BNC2: variants seen among roughly 807,000 people sequenced by gnomAD.
The protein encoded by BNC2 is zinc finger protein basonuclin-2.
Under a neutral mutation model 76.3 loss-of-function variants are expected in BNC2, and 20 were observed. The ratio of observed to expected loss-of-function variants is 0.26; its 90% confidence interval spans 0.18 to 0.38. BNC2 has a LOEUF of 0.38. BNC2 is among the 10% of genes least tolerant of loss of function. BNC2 has a pLI of 1.00. For missense variants in BNC2, 1,382 were observed against 1,399.8 expected (o/e 0.99, Z 0.20); for synonymous variants, 582 against 514.8 (o/e 1.13, Z -1.77).
rs75993887 is a variant in BNC2, at chr9:16,467,832, TA to T, written c.670-30309del. 5.8e-3 allele frequency among the ~76,000 whole-genome samples: 663 copies of T among 113,700 alleles called. 4 individuals are homozygous for T. Among genetic ancestry groups the T allele is most frequent in the African/African-American group, 0.014 (421 of 29,086 alleles). The allele number at this position is 113,700 out of a possible 152,430, so 74.6% of individuals were successfully genotyped here. On this transcript the variant is annotated intron_variant, in intron 5 of 6. Transcript: ENST00000380672. Reference sequence around the variant, plus strand: ...ATGTACCCTAAAACTTAGAGTATAATAAAAAAAAAAAATTAAAAAAAAAAAA... The same window carrying T: ...ATGTACCCTAAAACTTAGAGTATAATAAAAAAAAAAATTAAAAAAAAAAAA...
intron 1 of BNC2, among the ~76,000 whole-genome samples, chr9:16,767,074 G>C (rs1265766842): frequency 6.6e-6 from 1 of 152,230 alleles, no homozygotes; most frequent in Non-Finnish European, 1.5e-5. Context: ...AAGCATCTCT[G>C]AACATTATAT....
rs185818810 is a variant in BNC2 at position 16,549,506 on chromosome 9, T to C, written c.669+3024A>G. The stretch of plus-strand genomic sequence containing the variant: ...TGACTTGTACACTAATAGAGCATTA[T>C]GGGGTTCCACAGCCTTCGGACACAC... On this transcript the variant is annotated intron_variant, in intron 5 of 6. Transcript: ENST00000380672. Among the ~76,000 whole-genome samples, 7 of 152,358 alleles carry C rather than the reference T, an allele frequency of 4.6e-5. No homozygotes were observed. In the East Asian group the frequency reaches 1.2e-3, roughly 25 times the overall value.
At chr9:16,482,113 T>C (rs996162954) in intron 5 of BNC2, among the ~76,000 whole-genome samples, 2 of 152,156 alleles carry the variant, frequency 1.3e-5, no homozygotes, top group Non-Finnish European at 2.9e-5. Context: ...TTAGTAATAA[T>C]AGAAGACCAA....
At chr9:16,743,992 A>G (rs754251392) in intron 1 of BNC2, among the ~76,000 whole-genome samples, 26 of 117,482 alleles carry the variant, frequency 2.2e-4, no homozygotes, top group African/African-American at 3.5e-4. Context: ...TTGGAGACGG[A>G]GTCTCGCTCT....
chr9:16,801,114 TC>T (rs1326247597), intron 1 of BNC2, among the ~76,000 whole-genome samples: 1 of 152,144 alleles, frequency 6.6e-6, no homozygotes, highest in African/African-American at 2.4e-5. Flanking sequence ...CCAAAGTATA[TC>T]CCCTACACAA....
intron 3 of BNC2, among the ~76,000 whole-genome samples, chr9:16,676,175 T>C (rs1333543328): frequency 1.3e-5 from 2 of 152,240 alleles, no homozygotes; most frequent in Non-Finnish European, 2.9e-5. Flanking sequence ...AAAAGAATTT[T>C]TCTTTTTCTT....
intron 3 of BNC2, among the ~76,000 whole-genome samples, chr9:16,604,695 C>G (rs908474042): frequency 1.3e-5 from 2 of 152,004 alleles, no homozygotes; most frequent in Non-Finnish European, 2.9e-5. Flanking sequence ...ATCCCAGCTA[C>G]TTGGAGGCTG....
chr9:16,628,715 A>G (rs947230276), intron 3 of BNC2, among the ~76,000 whole-genome samples: 2 of 152,222 alleles, frequency 1.3e-5, no homozygotes, highest in African/African-American at 4.8e-5. Context: ...TTATACAACA[A>G]TAAGCTTCAT....
intron 3 of BNC2, among the ~76,000 whole-genome samples, chr9:16,676,737 G>A (rs1451347945): frequency 1.3e-5 from 2 of 152,188 alleles, no homozygotes; most frequent in Non-Finnish European, 2.9e-5. Context: ...AATAAAGAAG[G>A]TCTCGAAAAT....
At chr9:16,520,453 G>C (rs1450696850) in intron 5 of BNC2, among the ~76,000 whole-genome samples, 3 of 152,130 alleles carry the variant, frequency 2.0e-5, no homozygotes, top group African/African-American at 7.2e-5. Flanking sequence ...TCTGAATGGA[G>C]AGCATGAGAT....
intron 1 of BNC2, among the ~76,000 whole-genome samples, chr9:16,795,206 T>C (rs1038325365): frequency 1.3e-5 from 2 of 152,060 alleles, no homozygotes; most frequent in African/African-American, 4.8e-5. Context: ...GGGAGTCCTT[T>C]AAAGCAGTGT....
At chr9:16,527,083 G>A (rs1478951938) in intron 5 of BNC2, among the ~76,000 whole-genome samples, 1 of 152,162 alleles carries the variant, frequency 6.6e-6, no homozygotes, top group Admixed American at 6.5e-5. Flanking sequence ...AAGAGAGGAA[G>A]CAAGAGAGCA....
intron 1 of BNC2, among the ~76,000 whole-genome samples, chr9:16,783,362 T>C (rs879286129): frequency 6.6e-6 from 1 of 152,146 alleles, no homozygotes; most frequent in Non-Finnish European, 1.5e-5. Context: ...GTCCCACAAA[T>C]ACTCAGACAA....
chr9:16,469,988 C>T (rs1339136005), intron 5 of BNC2, among the ~76,000 whole-genome samples: 1 of 138,778 alleles, frequency 7.2e-6, no homozygotes, highest in Non-Finnish European at 1.5e-5. Flanking sequence ...CTGCTAATGG[C>T]ATTCTTTTTT....
At chr9:16,642,588 C>T (rs1198203552) in intron 3 of BNC2, among the ~76,000 whole-genome samples, 1 of 152,186 alleles carries the variant, frequency 6.6e-6, no homozygotes, top group Non-Finnish European at 1.5e-5. Context: ...ATCTTTGAAG[C>T]AAATCTACAA....
chr9:16,719,220 C>G (rs1027778105), intron 3 of BNC2, among the ~76,000 whole-genome samples: 1 of 152,084 alleles, frequency 6.6e-6, no homozygotes, highest in Non-Finnish European at 1.5e-5. Context: ...CCACTGACCT[C>G]CAGCACTGGC....
intron 1 of BNC2, among the ~76,000 whole-genome samples, chr9:16,796,544 C>A (rs1817654600): frequency 6.8e-6 from 1 of 147,528 alleles, no homozygotes; most frequent in East Asian, 2.0e-4. Context: ...TGCACTCCAG[C>A]CTGGGTGACA....
chr9:16,575,242 C>G (rs943572746), intron 4 of BNC2: 3 of 984,356 alleles, frequency 3.0e-6, no homozygotes, highest in Non-Finnish European at 3.6e-6. Context: ...ACATTCTTAC[C>G]TATTTTGTAT....
intron 3 of BNC2, among the ~76,000 whole-genome samples, chr9:16,601,225 G>C (rs939582797): frequency 6.6e-6 from 1 of 152,080 alleles, no homozygotes; most frequent in African/African-American, 2.4e-5. Flanking sequence ...AGATATCCAG[G>C]ACCACACTCC....
Sources: gnomAD v4.1 joint callset for allele counts (sites outside exome capture counted in the v4.1 genomes callset) on GRCh38, gnomAD v4.1.1 for gene constraint, MANE v1.5 for transcripts, NCBI Gene and HGNC (gene_info 2026-07-23, HGNC 2026-07-21) for gene names.